ANK1: variants seen among roughly 807,000 people sequenced by gnomAD.
ANK1 encodes the protein ankyrin 1.
ANK1 carries 51 observed loss-of-function variants against 210.4 expected under a neutral mutation model. The ratio of observed to expected loss-of-function variants is 0.24; its 90% CI spans 0.19 to 0.31. The LOEUF is 0.31. ANK1 is among the 10% of genes least tolerant of loss of function. The pLI is 1.00. For synonymous variants in ANK1, 967 were observed against 1,025.9 expected, an observed-to-expected ratio of 0.94 and a Z score of 1.10; for missense variants, 2,051 against 2,504.4, an observed-to-expected ratio of 0.82 and a Z score of 3.86.
intron 1 of ANK1, among the ~76,000 whole-genome samples, chr8:41,867,578 C>T (rs144650884): frequency 6.6e-6 from 1 of 152,154 alleles, no homozygotes; most frequent in African/African-American, 2.4e-5. Flanking sequence ...TTTTCCCATG[C>T]CATTCCCTCT....
At chr8:41,767,254 G>A (rs1441738030) in intron 1 of ANK1, among the ~76,000 whole-genome samples, 1 of 151,948 alleles carries the variant, frequency 6.6e-6, no homozygotes, top group African/African-American at 2.4e-5. Flanking sequence ...ACAACCCGCA[G>A]GACGGACGCA....
intron 40 of ANK1, among the ~76,000 whole-genome samples, chr8:41,662,301 C>T (rs1484054738): frequency 6.6e-6 from 1 of 151,748 alleles, no homozygotes; most frequent in African/African-American, 2.4e-5. Flanking sequence ...CAAGACAGAG[C>T]TTCAGAACAG....
intron 1 of ANK1, among the ~76,000 whole-genome samples, chr8:41,812,742 A>C (rs1411360797): frequency 6.6e-6 from 1 of 152,188 alleles, no homozygotes; most frequent in Non-Finnish European, 1.5e-5. Flanking sequence ...GGATGGTTTC[A>C]GGATGAAACT....
intron 1 of ANK1, among the ~76,000 whole-genome samples, chr8:41,823,453 T>C (rs1261169364): frequency 6.6e-6 from 1 of 152,152 alleles, no homozygotes; most frequent in Non-Finnish European, 1.5e-5. Context: ...GTTGAAGACA[T>C]ACAAAAATGA....
At chr8:41,874,150 C>T (rs1816113662) in intron 1 of ANK1, among the ~76,000 whole-genome samples, 1 of 152,208 alleles carries the variant, frequency 6.6e-6, no homozygotes, top group Non-Finnish European at 1.5e-5. Context: ...GGATGTCCCG[C>T]AGGTAGGTAG....
chr8:41,893,999 T>A (rs1563978772), intron 1 of ANK1, among the ~76,000 whole-genome samples: 1 of 152,144 alleles, frequency 6.6e-6, no homozygotes. Flanking sequence ...TCCCTCACCT[T>A]TCCCTCTAGA....
Position 41,708,991 on chromosome 8 carries a change from C to A in ANK1, c.1801-16G>T, listed in dbSNP as rs753221531. Reference sequence around the variant, plus strand: ...TGTAGCCATTCTGAAACAGAAGAAGCCGCCCAGAGCCTGGTTACAGGAATG... The same window carrying A: ...TGTAGCCATTCTGAAACAGAAGAAGACGCCCAGAGCCTGGTTACAGGAATG... On this transcript the variant is annotated splice_polypyrimidine_tract_variant and intron_variant, in intron 16 of 42. Coordinates refer to ENST00000289734, the MANE Select transcript of ANK1 (RefSeq NM_000037.4). The A allele has an allele frequency of 6.2e-7, 1 of 1,613,310 alleles. No homozygotes were observed. Among genetic ancestry groups the A allele is most frequent in the African/African-American group, 1.3e-5 (1 of 75,002 alleles).
At chr8:41,837,839 A>C (rs549556537) in intron 1 of ANK1, among the ~76,000 whole-genome samples, 3 of 152,198 alleles carry the variant, frequency 2.0e-5, no homozygotes, top group South Asian at 4.2e-4. Context: ...CCATTGCACT[A>C]CAGCCTGGGC....
chr8:41,742,299 C>G (rs548258704), intron 2 of ANK1, among the ~76,000 whole-genome samples: 1 of 152,326 alleles, frequency 6.6e-6, no homozygotes, highest in South Asian at 2.1e-4. Flanking sequence ...TTAACTCTTC[C>G]TGTCAAGAGA....
intron 26 of ANK1, 99 bp downstream of exon 26, chr8:41,696,263 AG>A: frequency 1.5e-6 from 2 of 1,341,156 alleles, no homozygotes; most frequent in Non-Finnish European, 1.1e-6. Context: ...GGGAAAGGGG[AG>A]GGGCACCCAG....
intron 1 of ANK1, among the ~76,000 whole-genome samples, chr8:41,783,129 T>C (rs1000009928): frequency 6.6e-6 from 1 of 152,170 alleles, no homozygotes; most frequent in Admixed American, 6.5e-5. Context: ...CCTAATTAAG[T>C]GAATGCAGCG....
At chr8:41,769,961 T>C (rs1293692691) in intron 1 of ANK1, among the ~76,000 whole-genome samples, 6 of 139,138 alleles carry the variant, frequency 4.3e-5, no homozygotes, top group Non-Finnish European at 7.7e-5. Context: ...TATATCTTCT[T>C]TTTTTTTTCT....
rs374960063 is a variant in ANK1 at position 41,690,493 on chromosome 8, C to T, written c.3965G>A (p.Arg1322His). Residue 1322 changes from arginine to histidine, a missense_variant, in exon 32 of 43, where the codon CGT (arginine) becomes CAT (histidine). By Grantham distance (29) the Arg-to-His change is conservative (BLOSUM62 0). This residue lies in a region of ANK1 where 1,413 missense variants were observed against 1,707.4 expected (regional missense o/e 0.83). Coordinates refer to ENST00000289734, the MANE Select transcript of ANK1 (RefSeq NM_000037.4). ...CGGCACCTTTACAGGCATGGCCAGACGGTTCTCCCGAAATGACTGGAAGTG... is the reference window on the plus strand; with the variant it reads ...CGGCACCTTTACAGGCATGGCCAGATGGTTCTCCCGAAATGACTGGAAGTG... The part of the protein sequence containing the change: ...SFHFQSFREN[R>H]LAMPVKVRDS... 14 of 1,614,200 alleles carry T rather than the reference C, an allele frequency of 8.7e-6. No homozygotes were observed. The highest frequency in any genetic ancestry group is 5.3e-5 in the African/African-American group (4 of 75,036).
intron 39 of ANK1, among the ~76,000 whole-genome samples, chr8:41,667,838 G>A (rs75119929): frequency 0.14 from 21,666 of 152,240 alleles, 1,892 homozygotes; most frequent in Middle Eastern, 0.31. Context: ...AGGACCCTGA[G>A]GTGCTGGGAA....
At chr8:41,739,776 C>T (rs1834300104) in intron 2 of ANK1, among the ~76,000 whole-genome samples, 1 of 152,108 alleles carries the variant, frequency 6.6e-6, no homozygotes, top group Admixed American at 6.5e-5. Flanking sequence ...TTATCTTGAA[C>T]TTTGAGTTGG....
At chr8:41,716,099 C>T (rs922374410) in intron 13 of ANK1, among the ~76,000 whole-genome samples, 3 of 152,186 alleles carry the variant, frequency 2.0e-5, no homozygotes, top group African/African-American at 4.8e-5. Context: ...CCCAAAGGCC[C>T]AGCCCTCCCA....
Position 41,714,228 on chromosome 8 carries a change from G to A in ANK1, c.1728C>T (p.Ala576=), listed in dbSNP as rs189710010. The A allele has an allele frequency of 2.5e-5, 39 of 1,540,214 alleles. No homozygotes were observed. Among genetic ancestry groups the A allele is most frequent in the Middle Eastern group, 1.7e-4 (1 of 5,738 alleles). Residue 576 remains alanine, a synonymous_variant, in exon 16 of 43, where the codon GCC becomes GCT. Transcript: ENST00000289734. The stretch of plus-strand genomic sequence containing the variant: ...CGATGTCCAGGTTGTTGTGATGGAC[G>A]GCCACGTGCAGGGGGGTCAGGCCAT... ...GKNGLTPLHV[A]VHHNNLDIVK...
intron 1 of ANK1, among the ~76,000 whole-genome samples, chr8:41,802,985 G>A (rs1482270574): frequency 1.3e-5 from 1 of 79,090 alleles, no homozygotes; most frequent in Non-Finnish European, 2.6e-5. Context: ...AAAAAAGAAA[G>A]AGAGAAAGAG....
intron 1 of ANK1, among the ~76,000 whole-genome samples, chr8:41,781,739 G>A (rs1845369917): frequency 6.6e-6 from 1 of 152,190 alleles, no homozygotes; most frequent in Admixed American, 6.5e-5. Context: ...AGGGCACAGA[G>A]ACCAGCAACC....
Sources: gnomAD v4.1 joint callset for allele counts (sites outside exome capture counted in the v4.1 genomes callset) on GRCh38, gnomAD v4.1.1 for gene constraint, gnomAD v4.1.1 regional missense constraint, MANE v1.5 for transcripts, NCBI Gene and HGNC (gene_info 2026-07-23, HGNC 2026-07-21) for gene names.